ASIC2: variants seen among roughly 807,000 people sequenced by gnomAD.
The protein encoded by ASIC2 is acid-sensing ion channel 2.
Under a neutral mutation model 57.3 loss-of-function variants are expected in ASIC2, and 25 were observed. The observed-to-expected ratio is 0.44, with a 90% CI of 0.32 to 0.61. The LOEUF is 0.61. Ranked by LOEUF, ASIC2 falls within the 20% of genes least tolerant of loss-of-function variation. The probability of loss-of-function intolerance (pLI) is 0.06; values close to 1 mark genes in which losing one functional copy is unlikely to be tolerated. For missense variants in ASIC2, 641 were observed against 738.1 expected (o/e 0.87, Z 1.52); for synonymous variants, 319 against 307.5 (o/e 1.04, Z -0.39).
chr17:33,536,183 G>GACC (rs74485611), intron 1 of ASIC2, among the ~76,000 whole-genome samples: 35,722 of 151,956 alleles, frequency 0.24, 4,822 homozygotes, highest in Non-Finnish European at 0.31. Flanking sequence ...TTCCAAAATT[G>GACC]ACCACTCCCT....
chr17:33,102,815 G>A (rs546079128), intron 2 of ASIC2, among the ~76,000 whole-genome samples: 53 of 151,996 alleles, frequency 3.5e-4, no homozygotes, highest in Non-Finnish European at 6.8e-4. Context: ...ATGGAGTCTC[G>A]CTCTGTCGCC....
chr17:33,181,507 C>A (rs967041679), intron 1 of ASIC2, among the ~76,000 whole-genome samples: 1 of 152,134 alleles, frequency 6.6e-6, no homozygotes, highest in African/African-American at 2.4e-5. Flanking sequence ...CCTGAGGGAT[C>A]TAGGGAGAGT....
intron 1 of ASIC2, among the ~76,000 whole-genome samples, chr17:33,650,583 C>G (rs1055244972): frequency 6.6e-6 from 1 of 152,164 alleles, no homozygotes; most frequent in Non-Finnish European, 1.5e-5. Context: ...CTCAGATGTC[C>G]TAGAATGGAT....
At chr17:33,579,759 C>T (rs926417518) in intron 1 of ASIC2, among the ~76,000 whole-genome samples, 2 of 152,200 alleles carry the variant, frequency 1.3e-5, no homozygotes, top group Non-Finnish European at 2.9e-5. Context: ...AGCAGCAAAA[C>T]TCATTCAGAA....
chr17:33,151,914 A>G (rs1258542836), intron 1 of ASIC2, among the ~76,000 whole-genome samples: 1 of 152,258 alleles, frequency 6.6e-6, no homozygotes, highest in Non-Finnish European at 1.5e-5. Context: ...GTGTTAAGTC[A>G]TAATTCTAAA....
rs143763536 is a variant in ASIC2, at chr17:33,163,464, C to T, written c.709-51397G>A. Among the ~76,000 whole-genome samples the T allele has an allele frequency of 4.8e-4, 73 of 151,988 alleles. 1 individual carries two copies. In the East Asian group the frequency reaches 0.013, roughly 27 times the overall value. On this transcript the variant is annotated intron_variant, in intron 1 of 9. Transcript: ENST00000225823. ...TGCCTCTCATGAGGCTGACCCCTTA[C>T]CCAATGTCATCTACCCACCTCCTGC...
At chr17:33,158,700 A>G (rs1202609941) in intron 1 of ASIC2, among the ~76,000 whole-genome samples, 2 of 152,248 alleles carry the variant, frequency 1.3e-5, no homozygotes, top group Non-Finnish European at 2.9e-5. Context: ...CCCATGAGTG[A>G]CTTCGGGCAA....
intron 1 of ASIC2, among the ~76,000 whole-genome samples, chr17:33,367,788 T>G (rs908256397): frequency 6.6e-6 from 1 of 152,220 alleles, no homozygotes; most frequent in Admixed American, 6.5e-5. Flanking sequence ...CTAGCTGAGA[T>G]AGAAGAGTGC....
chr17:33,974,569 C>T (rs1355310632), intron 1 of ASIC2, among the ~76,000 whole-genome samples: 1 of 152,038 alleles, frequency 6.6e-6, no homozygotes, highest in East Asian at 1.9e-4. Context: ...TAGACACTGA[C>T]CTGAATTGAG....
intron 1 of ASIC2, among the ~76,000 whole-genome samples, chr17:33,314,926 A>G (rs1318162696): frequency 6.6e-6 from 1 of 152,182 alleles, no homozygotes; most frequent in Non-Finnish European, 1.5e-5. Flanking sequence ...GGGAGGCTGC[A>G]TGAGACACAC....
chr17:33,252,357 G>A (rs1311641415), intron 1 of ASIC2, among the ~76,000 whole-genome samples: 1 of 152,064 alleles, frequency 6.6e-6, no homozygotes, highest in Admixed American at 6.6e-5. Flanking sequence ...TAATACAGCC[G>A]GCCCTGCTAC....
intron 9 of ASIC2, among the ~76,000 whole-genome samples, chr17:33,014,348 A>G (rs2091794727): frequency 6.6e-6 from 1 of 151,902 alleles, no homozygotes; most frequent in Admixed American, 6.5e-5. Flanking sequence ...AACTGGACCT[A>G]TATCTGAGTG....
chr17:33,966,652 G>C (rs1447785315), intron 1 of ASIC2, among the ~76,000 whole-genome samples: 1 of 152,174 alleles, frequency 6.6e-6, no homozygotes, highest in Non-Finnish European at 1.5e-5. Flanking sequence ...CTGTGGGTCG[G>C]ATGACACTGT....
At chr17:33,399,775 G>A (rs1030819958) in intron 1 of ASIC2, among the ~76,000 whole-genome samples, 5 of 152,292 alleles carry the variant, frequency 3.3e-5, no homozygotes, top group African/African-American at 4.8e-5. Flanking sequence ...CTCCTAAAAG[G>A]AGCGTGTGTG....
rs532763981 is a variant in ASIC2 at position 33,968,107 on chromosome 17, C to T, written c.555+187871G>A. ...AAGGGTGGCAGACCCACACTCTGGG[C>T]TTACTGTGTGCCATCTACTGTGCTC... On this transcript the variant is annotated intron_variant, in intron 1 of 9. Transcript: ENST00000359872. Among the ~76,000 whole-genome samples, 11 of 151,942 alleles carry T rather than the reference C, an allele frequency of 7.2e-5. No individual in the cohort carries two copies. In the East Asian group the frequency reaches 1.7e-3, roughly 24 times the overall value.
intron 3 of ASIC2, among the ~76,000 whole-genome samples, chr17:33,028,799 A>G (rs887808931): frequency 6.6e-6 from 1 of 152,256 alleles, no homozygotes; most frequent in Admixed American, 6.5e-5. Context: ...GAAAGACCCA[A>G]CTAAATTCCA....
intron 1 of ASIC2, among the ~76,000 whole-genome samples, chr17:33,435,326 G>A (rs929005151): frequency 1.3e-4 from 20 of 152,204 alleles, no homozygotes; most frequent in African/African-American, 4.6e-4. Flanking sequence ...CAATAAGTCT[G>A]GGATATCTTG....
chr17:33,607,834 A>G (rs1227964645), intron 1 of ASIC2, among the ~76,000 whole-genome samples: 3 of 152,198 alleles, frequency 2.0e-5, no homozygotes, highest in Non-Finnish European at 2.9e-5. Context: ...TTAGAACATC[A>G]GCAATCAGGA....
intron 1 of ASIC2, among the ~76,000 whole-genome samples, chr17:33,815,073 T>C (rs914393812): frequency 1.3e-5 from 2 of 152,078 alleles, no homozygotes; most frequent in African/African-American, 4.8e-5. Flanking sequence ...TGTGGGCGAG[T>C]GTGTTCTCAG....
Sources: gnomAD v4.1 joint callset for allele counts (sites outside exome capture counted in the v4.1 genomes callset) on GRCh38, gnomAD v4.1.1 for gene constraint, MANE v1.5 for transcripts, NCBI Gene and HGNC (gene_info 2026-07-23, HGNC 2026-07-21) for gene names.